Variants in PLCB4 observed in about 807,000 individuals in gnomAD.
PLCB4 encodes the protein 1-phosphatidylinositol 4,5-bisphosphate phosphodiesterase beta-4.
Under a neutral mutation model 178.8 loss-of-function variants are expected in PLCB4, and 77 were observed. The observed-to-expected ratio is 0.43, with a 90% CI of 0.36 to 0.52. The LOEUF is 0.52. Ranked by LOEUF, PLCB4 falls within the 20% of genes least tolerant of loss-of-function variation. The pLI is 0.00. For missense variants in PLCB4, 1,024 were observed against 1,453.4 expected, an observed-to-expected ratio of 0.70 and a Z score of 4.80; for synonymous variants, 496 against 490.8, an observed-to-expected ratio of 1.01 and a Z score of -0.14.
intron 2 of PLCB4, among the ~76,000 whole-genome samples, chr20:9,132,669 C>G (rs1348728454): frequency 6.6e-6 from 1 of 152,128 alleles, no homozygotes; most frequent in African/African-American, 2.4e-5. Context: ...TATGTGGATT[C>G]TTCTATTGGA....
intron 35 of PLCB4, among the ~76,000 whole-genome samples, chr20:9,461,598 C>T (rs532044344): frequency 3.5e-4 from 54 of 152,368 alleles, no homozygotes; most frequent in South Asian, 1.9e-3. Flanking sequence ...GCAGACAAGG[C>T]GATTCTCTCC....
At chr20:9,464,532 A>G (rs546235301) in intron 35 of PLCB4, among the ~76,000 whole-genome samples, 1 of 152,202 alleles carries the variant, frequency 6.6e-6, no homozygotes, top group Non-Finnish European at 1.5e-5. Flanking sequence ...ATAGACTGCT[A>G]GCAAGACTAA....
chr20:9,191,384 G>A lies in PLCB4; in HGVS notation c.-78-26006G>A, dbSNP rs953265355. 7.2e-5 allele frequency among the ~76,000 whole-genome samples: 8 copies of A among 111,138 alleles called. No homozygotes were observed. The Admixed American group carries it at 8.0e-4, about 11-fold the overall frequency. The allele number at this position is 111,138 out of a possible 152,430, so 72.9% of individuals were successfully genotyped here. A position where few individuals can be genotyped will look rare whatever the true frequency, so the allele number is the denominator to read the frequency against. ...TTTTTTTTTTTTTTTGCTTTCCACC[G>A]TGTAGGGACACAGTGTTCAAGGGGC... is the stretch of plus-strand genomic sequence containing the variant. On this transcript the variant is annotated intron_variant, in intron 2 of 39. Transcript: ENST00000378473.
chr20:9,102,302 T>C (rs995792686), intron 2 of PLCB4, among the ~76,000 whole-genome samples: 3 of 152,198 alleles, frequency 2.0e-5, no homozygotes, highest in African/African-American at 7.2e-5. Context: ...AATAGTTCTG[T>C]ATAGATGATA....
At chr20:9,444,321 A>C (rs1418499778) in intron 32 of PLCB4, 78 bp downstream of exon 32, 2 of 819,856 alleles carry the variant, frequency 2.4e-6, no homozygotes, top group African/African-American at 3.4e-5. Flanking sequence ...TTTGAAGCTG[A>C]TACCAGACCA....
chr20:9,236,913 C>A (rs1304871543), intron 3 of PLCB4, among the ~76,000 whole-genome samples: 1 of 152,174 alleles, frequency 6.6e-6, no homozygotes, highest in African/African-American at 2.4e-5. Flanking sequence ...CAGCCACATA[C>A]AGATTACTCT....
chr20:9,198,423 G>C (rs2093500222), intron 2 of PLCB4, among the ~76,000 whole-genome samples: 2 of 152,178 alleles, frequency 1.3e-5, no homozygotes, highest in African/African-American at 4.8e-5. Flanking sequence ...TACTGGTTCT[G>C]TTTCTTTGTG....
intron 4 of PLCB4, among the ~76,000 whole-genome samples, chr20:9,318,701 A>G (rs1382687570): frequency 1.3e-5 from 2 of 152,216 alleles, no homozygotes; most frequent in Non-Finnish European, 2.9e-5. Context: ...GGAAAAGGCA[A>G]GGTGGGAGGT....
intron 2 of PLCB4, among the ~76,000 whole-genome samples, chr20:9,129,212 T>C (rs982163352): frequency 6.6e-6 from 1 of 152,132 alleles, no homozygotes; most frequent in Admixed American, 6.5e-5. Flanking sequence ...TGCATCTGTG[T>C]CTTCTTACCT....
intron 26 of PLCB4, among the ~76,000 whole-genome samples, chr20:9,420,381 A>G (rs1355960304): frequency 6.6e-6 from 1 of 151,968 alleles, no homozygotes; most frequent in Non-Finnish European, 1.5e-5. Context: ...TCTGTCGCCC[A>G]GGCAGGAGTG....
chr20:9,162,295 G>A (rs911138190), intron 2 of PLCB4, among the ~76,000 whole-genome samples: 1 of 152,088 alleles, frequency 6.6e-6, no homozygotes, highest in African/African-American at 2.4e-5. Context: ...TTACATAATT[G>A]TTTTGTCTTT....
At chr20:9,080,367 C>A (rs1236584788) in intron 1 of PLCB4, among the ~76,000 whole-genome samples, 1 of 152,180 alleles carries the variant, frequency 6.6e-6, no homozygotes, top group East Asian at 1.9e-4. Flanking sequence ...TTTCTTCTTA[C>A]CTCCAAATTG....
At chr20:9,248,137 A>G (rs2094144124) in intron 3 of PLCB4, among the ~76,000 whole-genome samples, 1 of 152,062 alleles carries the variant, frequency 6.6e-6, no homozygotes, top group South Asian at 2.1e-4. Context: ...CATATATATT[A>G]TATATCTCCA....
At chr20:9,402,903 G>A (rs2039142732) in intron 20 of PLCB4, among the ~76,000 whole-genome samples, 1 of 152,174 alleles carries the variant, frequency 6.6e-6, no homozygotes, top group Non-Finnish European at 1.5e-5. Context: ...AGTATTCAAG[G>A]GGAGGTGTTC....
rs917945331 is a variant in PLCB4, at chr20:9,471,181, G to A, written c.3351-1609G>A. The stretch of plus-strand genomic sequence containing the variant: ...TATTTGGAGGGAAAAATATAGCCTA[G>A]ATGCATATATTTTTTAAAAGATGTG... On this transcript the variant is annotated intron_variant, in intron 36 of 39. Coordinates refer to ENST00000378473, the MANE Select transcript of PLCB4 (RefSeq NM_001377142.1). Among the ~76,000 whole-genome samples, 12 of 152,190 alleles carry A rather than the reference G, an allele frequency of 7.9e-5. 1 individual carries two copies. The highest frequency in any genetic ancestry group is 6.2e-4 in the South Asian group (3 of 4,820).
At chr20:9,327,341 T>C (rs1466838309) in intron 4 of PLCB4, among the ~76,000 whole-genome samples, 1 of 151,424 alleles carries the variant, frequency 6.6e-6, no homozygotes, top group Non-Finnish European at 1.5e-5. Flanking sequence ...TAGCTACTCA[T>C]GAGGCTGAGG....
chr20:9,104,784 A>G (rs1245240218), intron 2 of PLCB4, among the ~76,000 whole-genome samples: 5 of 152,140 alleles, frequency 3.3e-5, no homozygotes, highest in Admixed American at 6.5e-5. Context: ...TTCTGTCCTC[A>G]TAATAAATGC....
At chr20:9,349,046 A>C (rs998746182) in intron 7 of PLCB4, among the ~76,000 whole-genome samples, 41 of 151,908 alleles carry the variant, frequency 2.7e-4, no homozygotes, top group African/African-American at 9.4e-4. Flanking sequence ...CAGAAAGTAC[A>C]GGATAGTAAA....
At chr20:9,359,432 T>C (rs1475568093) in intron 7 of PLCB4, among the ~76,000 whole-genome samples, 1 of 152,160 alleles carries the variant, frequency 6.6e-6, no homozygotes, top group African/African-American at 2.4e-5. Flanking sequence ...CTTTCCCCCT[T>C]CTTCTTAGAA....
Sources: allele counts gnomAD v4.1 joint callset (sites outside exome capture counted in the v4.1 genomes callset), GRCh38; gene constraint gnomAD v4.1.1; transcripts MANE v1.5; gene names NCBI Gene and HGNC (gene_info 2026-07-23, HGNC 2026-07-21).